The following GALNT1 variants were observed in gnomAD, a reference collection of about 807,000 sequenced individuals.
The protein encoded by GALNT1 is GalNAc transferase 1.
Under a neutral mutation model 65.7 loss-of-function variants are expected in GALNT1, and 17 were observed. The observed-to-expected ratio is 0.26, with a 90% CI of 0.18 to 0.39. GALNT1 has a LOEUF of 0.39. Ranked by LOEUF, GALNT1 falls within the 10% of genes least tolerant of loss-of-function variation. The pLI, the probability that GALNT1 is intolerant of heterozygous loss-of-function variation, is 1.00. For missense variants in GALNT1, 460 were observed against 672.8 expected (o/e 0.68, Z 3.50); for synonymous variants, 210 against 219.7 (o/e 0.96, Z 0.39).
intron 1 of GALNT1, among the ~76,000 whole-genome samples, chr18:35,593,183 C>T (rs967933674): frequency 1.3e-5 from 2 of 152,060 alleles, no homozygotes; most frequent in Admixed American, 6.5e-5. Context: ...GGGAGGTCTA[C>T]GTGATTTCCT....
chr18:35,683,947 G>C (rs1426525388), intron 5 of GALNT1, among the ~76,000 whole-genome samples: 1 of 152,222 alleles, frequency 6.6e-6, no homozygotes, highest in South Asian at 2.1e-4. Flanking sequence ...GCTAATGCTG[G>C]AGCAGGCAGA....
chr18:35,614,134 A>G (rs752213388), intron 1 of GALNT1, among the ~76,000 whole-genome samples: 1 of 152,252 alleles, frequency 6.6e-6, no homozygotes, highest in East Asian at 1.9e-4. Context: ...TCAGATATGT[A>G]ATATAAGATA....
chr18:35,628,060 A>T (rs562196697), intron 1 of GALNT1, among the ~76,000 whole-genome samples: 3 of 152,196 alleles, frequency 2.0e-5, no homozygotes, highest in Non-Finnish European at 4.4e-5. Flanking sequence ...TAGGTAAACA[A>T]AGTGGCTGGG....
intron 1 of GALNT1, among the ~76,000 whole-genome samples, chr18:35,643,865 G>A (rs916541056): frequency 1.3e-4 from 19 of 151,962 alleles, no homozygotes; most frequent in African/African-American, 4.6e-4. Context: ...TAACCCATTG[G>A]TGTTTCATTG....
intron 11 of GALNT1, among the ~76,000 whole-genome samples, chr18:35,705,947 G>C (rs1046052626): frequency 6.6e-6 from 1 of 152,108 alleles, no homozygotes; most frequent in African/African-American, 2.4e-5. Flanking sequence ...CACATGTGTT[G>C]CTCTTTATTA....
chr18:35,641,381 CT>C (rs137956472), intron 1 of GALNT1, among the ~76,000 whole-genome samples: 2,410 of 152,270 alleles, frequency 0.016, 31 homozygotes, highest in African/African-American at 0.028. Context: ...GAGGTTGAGG[CT>C]TCAGTGAGCC....
intron 8 of GALNT1, 137 bp downstream of exon 8, chr18:35,691,329 T>C (rs1361267150): frequency 1.6e-6 from 1 of 628,818 alleles, no homozygotes; most frequent in Non-Finnish European, 2.6e-6. Context: ...AAGGAATGAA[T>C]GAAATCACAC....
chr18:35,627,121 G>A (rs900340453), intron 1 of GALNT1, among the ~76,000 whole-genome samples: 2 of 152,206 alleles, frequency 1.3e-5, no homozygotes, highest in Non-Finnish European at 2.9e-5. Context: ...GGTGTCTTTG[G>A]CCTTCCCACC....
chr18:35,706,208 T>C (rs10502649), intron 11 of GALNT1, among the ~76,000 whole-genome samples: 12,436 of 152,142 alleles, frequency 0.082, 566 homozygotes, highest in African/African-American at 0.12. Flanking sequence ...AAGCTGGAGA[T>C]AAGAGTATTT....
chr18:35,691,127 A>G lies in GALNT1; in HGVS notation c.1094A>G (p.Asn365Ser). 1 of 1,613,044 alleles carries G rather than the reference A, an allele frequency of 6.2e-7. No homozygotes were observed. The highest frequency in any genetic ancestry group is 8.5e-7 in the Non-Finnish European group (1 of 1,179,554). The change falls in exon 8 of 12, where the codon AAT becomes AGT. Residue 365 changes from asparagine (N) to serine (S), a missense_variant. Asn to Ser is a conservative substitution (Grantham distance 46). Coordinates refer to ENST00000269195, the MANE Select transcript of GALNT1 (RefSeq NM_020474.4). ...GGCACAGGGCAGATTATCAATAAAA[A>G]TAACAGACGACTTGCAGAAGTGTGG... ...PGGTGQIINK[N>S]NRRLAEVWMD...
At chr18:35,616,768 T>C (rs758155548) in intron 1 of GALNT1, among the ~76,000 whole-genome samples, 3 of 152,100 alleles carry the variant, frequency 2.0e-5, no homozygotes, top group Non-Finnish European at 2.9e-5. Context: ...TTTTCAGAGC[T>C]CTCTCCTCCT....
chr18:35,583,066 G>C (rs1220247884), intron 1 of GALNT1, among the ~76,000 whole-genome samples: 2 of 152,166 alleles, frequency 1.3e-5, no homozygotes. Flanking sequence ...CTGTCTATGA[G>C]GCACAGTTTT....
intron 1 of GALNT1, among the ~76,000 whole-genome samples, chr18:35,613,861 A>G (rs992109111): frequency 6.8e-6 from 1 of 146,782 alleles, no homozygotes; most frequent in Non-Finnish European, 1.5e-5. Context: ...AGTTCATACT[A>G]CCTTAATGGT....
chr18:35,676,213 A>G (rs72964434), intron 3 of GALNT1, among the ~76,000 whole-genome samples: 15,892 of 151,862 alleles, frequency 0.1, 1,080 homozygotes, highest in African/African-American at 0.2. Flanking sequence ...GAGGCTGTGG[A>G]TTTTCTGGAT....
At chr18:35,604,930 C>T (rs542926275) in intron 1 of GALNT1, among the ~76,000 whole-genome samples, 30 of 152,318 alleles carry the variant, frequency 2.0e-4, no homozygotes, top group African/African-American at 7.2e-4. Context: ...TTGCCACTCC[C>T]TACCTATATC....
chr18:35,600,579 G>T (rs2046568989), intron 1 of GALNT1, among the ~76,000 whole-genome samples: 1 of 152,176 alleles, frequency 6.6e-6, no homozygotes, highest in Non-Finnish European at 1.5e-5. Context: ...TGGTGAATAT[G>T]AGCATCCTTG....
At chr18:35,641,739 C>A (rs2047166593) in intron 1 of GALNT1, among the ~76,000 whole-genome samples, 1 of 152,192 alleles carries the variant, frequency 6.6e-6, no homozygotes, top group Non-Finnish European at 1.5e-5. Context: ...TAACAGTTCA[C>A]ATCTGGTGGG....
chr18:35,599,126 C>T (rs769602088), intron 1 of GALNT1, among the ~76,000 whole-genome samples: 1 of 150,970 alleles, frequency 6.6e-6, no homozygotes, highest in African/African-American at 2.4e-5. Flanking sequence ...ATTAATCCTT[C>T]ATTGGATGGA....
At chr18:35,645,218 GTTTTTTTTTTT>G (rs1166987925) in intron 1 of GALNT1, among the ~76,000 whole-genome samples, 16 of 54,366 alleles carry the variant, frequency 2.9e-4, no homozygotes, top group South Asian at 9.3e-4. Context: ...TATTTTGAAT[GTTTTTTTTTTT>G]TTTTTTTTTT....
Sources: allele counts gnomAD v4.1 joint callset (sites outside exome capture counted in the v4.1 genomes callset), GRCh38; gene constraint gnomAD v4.1.1; transcripts MANE v1.5; gene names NCBI Gene and HGNC (gene_info 2026-07-23, HGNC 2026-07-21).